The following TTC13 variants were observed in gnomAD, a reference collection of about 807,000 sequenced individuals.
TTC13 encodes tetratricopeptide repeat protein 13.
TTC13 carries 62 observed loss-of-function variants against 120.0 expected under a neutral mutation model. The ratio of observed to expected loss-of-function variants is 0.52; its 90% CI spans 0.42 to 0.64. The LOEUF (loss-of-function observed/expected upper bound fraction) is 0.64. Ranked by LOEUF, TTC13 falls within the 30% of genes least tolerant of loss-of-function variation. TTC13 has a pLI of 0.00. For missense variants in TTC13, 824 were observed against 1,050.2 expected (o/e 0.78, Z 2.98); for synonymous variants, 384 against 393.5 (o/e 0.98, Z 0.28).
intron 1 of TTC13, among the ~76,000 whole-genome samples, chr1:230,977,211 C>T (rs1415799987): frequency 4.6e-5 from 7 of 152,088 alleles, no homozygotes; most frequent in Non-Finnish European, 8.8e-5. Context: ...GGCTCATAGA[C>T]CTAAAGCACT....
intron 19 of TTC13, among the ~76,000 whole-genome samples, chr1:230,912,223 T>C (rs1042517971): frequency 1.3e-5 from 2 of 152,152 alleles, no homozygotes; most frequent in African/African-American, 4.8e-5. Flanking sequence ...CATTATACTT[T>C]CCTTGCCATT....
chr1:230,972,258 C>G (rs1265432595), intron 1 of TTC13, among the ~76,000 whole-genome samples: 1 of 152,202 alleles, frequency 6.6e-6, no homozygotes, highest in African/African-American at 2.4e-5. Context: ...TATCGGCAAT[C>G]TTAAAAACAG....
chr1:230,933,524 T>C (rs756811209), intron 9 of TTC13, among the ~76,000 whole-genome samples: 30 of 152,110 alleles, frequency 2.0e-4, no homozygotes, highest in Non-Finnish European at 4.4e-5. Context: ...AAACAACCCT[T>C]GAAGGATGAA....
At chr1:230,925,927 G>A (rs1262046660) in intron 12 of TTC13, among the ~76,000 whole-genome samples, 1 of 152,092 alleles carries the variant, frequency 6.6e-6, no homozygotes, top group Non-Finnish European at 1.5e-5. Context: ...TATTTGCTTT[G>A]TAAACTTCTC....
chr1:230,908,338 C>G (rs1008039832), intron 22 of TTC13: 28 of 450,634 alleles, frequency 6.2e-5, no homozygotes, highest in Non-Finnish European at 1.2e-4. Flanking sequence ...CAGGCACACA[C>G]CACCATGCCC....
chr1:230,924,720 C>A, intron 14 of TTC13, 121 bp downstream of exon 14: 1 of 1,118,090 alleles, frequency 8.9e-7, no homozygotes, highest in Non-Finnish European at 1.3e-6. Flanking sequence ...AGAGGAAAAC[C>A]TAACTTGGAA....
At position 230,928,320 on chromosome 1, in the gene TTC13, C is replaced by T. The variant is rs557501042; in HGVS notation, c.1457+617G>A. Among the ~76,000 whole-genome samples the T allele has an allele frequency of 2.6e-5, 4 of 152,262 alleles. No homozygotes were observed. In the East Asian group the frequency reaches 7.7e-4, roughly 29 times the overall value. ...GTAACTTTCAATTAAGTTTTGTGATCTCCATACAGATTTTATACAGATCTT... is the reference window on the plus strand; with the variant it reads ...GTAACTTTCAATTAAGTTTTGTGATTTCCATACAGATTTTATACAGATCTT... On this transcript the variant is annotated intron_variant, in intron 12 of 22. Coordinates refer to ENST00000366661, the MANE Select transcript of TTC13 (RefSeq NM_024525.5).
chr1:230,969,332 T>C (rs1244908788), intron 1 of TTC13, among the ~76,000 whole-genome samples: 2 of 152,156 alleles, frequency 1.3e-5, no homozygotes, highest in Non-Finnish European at 2.9e-5. Context: ...AGAGTTGACC[T>C]GGTGAAGATG....
At chr1:230,977,708 G>T (rs1333052522) in intron 1 of TTC13, among the ~76,000 whole-genome samples, 4 of 152,156 alleles carry the variant, frequency 2.6e-5, no homozygotes, top group Non-Finnish European at 5.9e-5. Context: ...CAAGCCATAA[G>T]GGAACTCACA....
intron 15 of TTC13, among the ~76,000 whole-genome samples, chr1:230,921,919 AC>A (rs1216312214): frequency 1.3e-5 from 2 of 151,856 alleles, no homozygotes; most frequent in Non-Finnish European, 2.9e-5. Context: ...CCTTTCCTCT[AC>A]CCACTCGGAA....
chr1:230,908,056 A>AAT (rs1671111154), intron 22 of TTC13, among the ~76,000 whole-genome samples: 3 of 152,210 alleles, frequency 2.0e-5, no homozygotes, highest in African/African-American at 7.2e-5. Context: ...AGTAATGTAA[A>AAT]ATGGGCTCTG....
chr1:230,963,502 A>G (rs73107892), intron 1 of TTC13, among the ~76,000 whole-genome samples: 5,647 of 152,042 alleles, frequency 0.037, 355 homozygotes, highest in African/African-American at 0.13. Flanking sequence ...TGGGTGTGGT[A>G]GTACATGCCT....
At chr1:230,946,854 A>G (rs1207089475) in intron 4 of TTC13, among the ~76,000 whole-genome samples, 1 of 152,152 alleles carries the variant, frequency 6.6e-6, no homozygotes, top group Non-Finnish European at 1.5e-5. Flanking sequence ...GAGGTTGCTC[A>G]TGCTATTTTC....
In TTC13 at chr1:230,929,861, G is replaced by A. The variant is rs983423279; in HGVS notation, c.1301-768C>T. On this transcript the variant is annotated intron_variant, in intron 11 of 22. Coordinates refer to ENST00000366661, the MANE Select transcript of TTC13 (RefSeq NM_024525.5). ...CCCCTTCTGCCTATAATTCACAAGC[G>A]CAAGCTCCACTGAACCAGAAAAAAG... is the stretch of plus-strand genomic sequence containing the variant. Among the ~76,000 whole-genome samples, 49 of 134,202 alleles carry A rather than the reference G, an allele frequency of 3.7e-4. 1 individual carries two copies. Among genetic ancestry groups the A allele is most frequent in the Middle Eastern group, 3.4e-3 (1 of 298 alleles). The allele number at this position is 134,202 out of a possible 152,430, so 88.0% of individuals were successfully genotyped here.
At chr1:230,932,847 C>T (rs1046359955) in intron 9 of TTC13, among the ~76,000 whole-genome samples, 2 of 152,148 alleles carry the variant, frequency 1.3e-5, no homozygotes, top group Non-Finnish European at 2.9e-5. Context: ...TTTGTAGCAC[C>T]TTTACAAGTG....
chr1:230,920,429 A>T, intron 17 of TTC13, 81 bp downstream of exon 17: 1 of 987,556 alleles, frequency 1.0e-6, no homozygotes, highest in Non-Finnish European at 1.6e-6. Context: ...GCATTTAATA[A>T]TTCTGAGTTC....
chr1:230,921,322 A>G (rs1413581202), intron 16 of TTC13, 99 bp downstream of exon 16: 8 of 677,496 alleles, frequency 1.2e-5, no homozygotes, highest in Non-Finnish European at 2.0e-5. Flanking sequence ...GACCTTGTTT[A>G]GCCCGTCAAC....
rs1361147598 is a variant in TTC13 at position 230,916,647 on chromosome 1, C to G, written c.1984-345G>C. 2.6e-5 allele frequency among the ~76,000 whole-genome samples: 4 copies of G among 152,312 alleles called. No individual in the cohort carries two copies. The East Asian group carries it at 5.8e-4, about 22-fold the overall frequency. Reference sequence around the variant, plus strand: ...AGTAGGCAGCAACCTTGAATCATGGCAGAATAGTTGTACCTAACATCCCGT... The same window carrying G: ...AGTAGGCAGCAACCTTGAATCATGGGAGAATAGTTGTACCTAACATCCCGT... On this transcript the variant is annotated intron_variant, in intron 17 of 22. Transcript: ENST00000366661.
In TTC13 at chr1:230,944,146, A is replaced by C. The variant is rs1178042872; in HGVS notation, c.580-248T>G. Among the ~76,000 whole-genome samples the C allele has an allele frequency of 6.6e-6, 1 of 152,218 alleles. No homozygotes were observed. The highest frequency in any genetic ancestry group is 1.5e-5 in the Non-Finnish European group (1 of 68,046). The stretch of plus-strand genomic sequence containing the variant: ...CCCGGCTACCTATCACAAATTCCAC[A>C]GATGGCAGGATATTATCTAAACTTA... On this transcript the variant is annotated intron_variant, in intron 5 of 22. Transcript: ENST00000366661. The surrounding 1 kb of genome is among the most constrained non-coding windows in gnomAD (Gnocchi z 4.0).
Sources: allele counts gnomAD v4.1 joint callset (sites outside exome capture counted in the v4.1 genomes callset), GRCh38; gene constraint gnomAD v4.1.1; non-coding constraint Gnocchi (gnomAD v3.1); transcripts MANE v1.5; gene names NCBI Gene and HGNC (gene_info 2026-07-23, HGNC 2026-07-21).